Variants in LMNTD1 observed in about 807,000 individuals in gnomAD.
LMNTD1 encodes the protein lamin tail domain-containing protein 1.
Under a neutral mutation model 50.9 loss-of-function variants are expected in LMNTD1, and 35 were observed. The ratio of observed to expected loss-of-function variants is 0.69; its 90% CI spans 0.53 to 0.91. The LOEUF is 0.91. Ranked by LOEUF, LMNTD1 falls within the 40% of genes least tolerant of loss-of-function variation. LMNTD1 has a pLI of 0.00. For synonymous variants in LMNTD1, 153 were observed against 161.9 expected (o/e 0.94, Z 0.42); for missense variants, 470 against 475.5 (o/e 0.99, Z 0.11).
chr12:25,557,670 A>T (rs1011522688), upstream of LMNTD1, among the ~76,000 whole-genome samples: 26 of 152,304 alleles, frequency 1.7e-4, no homozygotes, highest in South Asian at 4.1e-4. Context: ...AGTAATTTTT[A>T]AAAAAATACA....
At position 25,519,586 on chromosome 12, in the gene LMNTD1, TCAA is replaced by T. The variant is rs1412474091; in HGVS notation, c.1016+269_1016+271del. On this transcript the variant is annotated intron_variant, in intron 7 of 9. Coordinates refer to ENST00000458174, the MANE Select transcript of LMNTD1 (RefSeq NM_001145728.2). ...CTGGGTGACAGAGCGAGACTCTGTC[TCAA>T]AAAAAAAAAAAAAAAAAAAGTGAAA... 3.5e-4 allele frequency among the ~76,000 whole-genome samples: 26 copies of T among 74,956 alleles called. 1 individual carries two copies. The highest frequency in any genetic ancestry group is 1.2e-3 in the African/African-American group (19 of 15,420). 49.2% of individuals were successfully genotyped at this position (74,956 alleles called of 152,430 possible).
intron 1 of LMNTD1, among the ~76,000 whole-genome samples, chr12:25,631,267 T>C (rs1946713100): frequency 6.6e-6 from 1 of 152,192 alleles, no homozygotes; most frequent in Admixed American, 6.5e-5. Context: ...CCCTGCCCAC[T>C]GCTGGTTCTT....
In LMNTD1 at chr12:25,480,117, A is replaced by G. The variant is rs141486099; in HGVS notation, c.*23-3657T>C. Among the ~76,000 whole-genome samples, 48 of 152,340 alleles carry G rather than the reference A, an allele frequency of 3.2e-4. 1 individual carries two copies. Among genetic ancestry groups the G allele is most frequent in the African/African-American group, 1.1e-3 (45 of 41,580 alleles). ...TGAGGTCACCCAATGGTGAGCACTC[A>G]CGTACAATACAAATACCTTCACACT... is the stretch of plus-strand genomic sequence containing the variant. On this transcript the variant is annotated intron_variant, in intron 9 of 9. Coordinates refer to ENST00000458174, the MANE Select transcript of LMNTD1 (RefSeq NM_001145728.2).
At chr12:25,628,097 A>G (rs554829083) in intron 1 of LMNTD1, among the ~76,000 whole-genome samples, 47 of 106,330 alleles carry the variant, frequency 4.4e-4, no homozygotes, top group African/African-American at 1.6e-3. Context: ...GACAGAGTGA[A>G]ACTCCGTCTC....
intron 9 of LMNTD1, among the ~76,000 whole-genome samples, chr12:25,486,900 A>G (rs1470918480): frequency 6.6e-6 from 1 of 151,958 alleles, no homozygotes; most frequent in Admixed American, 6.6e-5. Context: ...TGCTGGATTC[A>G]TTTTGCCAGT....
intron 1 of LMNTD1, among the ~76,000 whole-genome samples, chr12:25,607,420 G>A (rs1458030812): frequency 6.6e-6 from 1 of 152,044 alleles, no homozygotes; most frequent in Admixed American, 6.6e-5. Flanking sequence ...TTTTAATTGT[G>A]ATGTTAGGGT....
intron 1 of LMNTD1, among the ~76,000 whole-genome samples, chr12:25,565,505 T>C (rs563542520): frequency 2.0e-5 from 3 of 152,308 alleles, no homozygotes; most frequent in Non-Finnish European, 4.4e-5. Context: ...CCCCAACTTT[T>C]TCACATTTTG....
At chr12:25,512,681 A>T (rs1416450343) in intron 8 of LMNTD1, among the ~76,000 whole-genome samples, 1 of 152,082 alleles carries the variant, frequency 6.6e-6, no homozygotes, top group Non-Finnish European at 1.5e-5. Context: ...AGGATACCTT[A>T]CCAGGCTTTT....
In LMNTD1 at chr12:25,618,061, C is replaced by T. The variant is rs115842526; in HGVS notation, c.58+30433G>A. On this transcript the variant is annotated intron_variant, in intron 1 of 7. Coordinates refer to the LMNTD1 transcript ENST00000445693. ...TTATCTCATCTGACCCCTGAGCCTG[C>T]TCTCTCAATTATTTCCCCAATCTCT... 8.5e-3 allele frequency among the ~76,000 whole-genome samples: 1,289 copies of T among 152,300 alleles called. 14 individuals are homozygous for T. Among genetic ancestry groups the T allele is most frequent in the South Asian group, 0.031 (151 of 4,822 alleles).
At chr12:25,619,252 C>CTATATATATATATATATATATA (rs71450756) in intron 1 of LMNTD1, among the ~76,000 whole-genome samples, 12 of 84,418 alleles carry the variant, frequency 1.4e-4, no homozygotes, top group Non-Finnish European at 1.8e-4. Context: ...CTCTCTCTCT[C>CTATATATATATATATATATATA]TATATATATA....
chr12:25,640,670 T>G (rs924468314), intron 1 of LMNTD1, among the ~76,000 whole-genome samples: 2 of 151,678 alleles, frequency 1.3e-5, no homozygotes, highest in African/African-American at 4.8e-5. Context: ...GGTTTTTTGT[T>G]TTTTTTTTGA....
chr12:25,561,740 G>T (rs568923751), intron 1 of LMNTD1, among the ~76,000 whole-genome samples: 1 of 152,222 alleles, frequency 6.6e-6, no homozygotes, highest in South Asian at 2.1e-4. Flanking sequence ...TGGCAGTGGG[G>T]TGTTAAAATC....
At chr12:25,526,400 C>T (rs11832810) in intron 5 of LMNTD1, among the ~76,000 whole-genome samples, 182 bp from the exon 6 acceptor site, 3 of 151,996 alleles carry the variant, frequency 2.0e-5, no homozygotes, top group African/African-American at 7.3e-5. Flanking sequence ...AAGGAAAAAA[C>T]GAGAAAGAGA....
intron 1 of LMNTD1, among the ~76,000 whole-genome samples, chr12:25,578,751 A>T (rs1357647074): frequency 6.6e-6 from 1 of 152,202 alleles, no homozygotes. Context: ...AATAATGAAA[A>T]CATCCTTCAA....
intron 1 of LMNTD1, among the ~76,000 whole-genome samples, chr12:25,561,063 C>A (rs913580589): frequency 6.6e-6 from 1 of 151,782 alleles, no homozygotes; most frequent in Non-Finnish European, 1.5e-5. Flanking sequence ...GAATTTCCAA[C>A]ACTATTTTGT....
chr12:25,496,779 A>C (rs899289895), intron 9 of LMNTD1, among the ~76,000 whole-genome samples: 11 of 152,152 alleles, frequency 7.2e-5, no homozygotes, highest in African/African-American at 2.7e-4. Flanking sequence ...GTACATTCAC[A>C]ATGTTGTGCA....
chr12:25,645,248 A>G (rs1248189609), intron 1 of LMNTD1, among the ~76,000 whole-genome samples: 4 of 152,230 alleles, frequency 2.6e-5, no homozygotes, highest in Non-Finnish European at 5.9e-5. Context: ...TTTCAATTAA[A>G]TGATTTTAGA....
At chr12:25,478,154 G>A (rs1217946044) in intron 9 of LMNTD1, among the ~76,000 whole-genome samples, 2 of 152,044 alleles carry the variant, frequency 1.3e-5, no homozygotes, top group African/African-American at 4.8e-5. Context: ...CACCCTCACA[G>A]ACATACCCAG....
intron 1 of LMNTD1, among the ~76,000 whole-genome samples, chr12:25,586,615 T>C (rs1448393730): frequency 1.3e-5 from 2 of 152,300 alleles, no homozygotes; most frequent in East Asian, 3.9e-4. Context: ...AGAAAGACCA[T>C]TGGCAGGCAC....
Sources: allele counts gnomAD v4.1 joint callset (sites outside exome capture counted in the v4.1 genomes callset), GRCh38; gene constraint gnomAD v4.1.1; transcripts MANE v1.5; gene names NCBI Gene and HGNC (gene_info 2026-07-23, HGNC 2026-07-21).